Variants in SPTBN1 observed in about 807,000 individuals in gnomAD.
SPTBN1 encodes the protein spectrin beta chain, non-erythrocytic 1.
SPTBN1 carries 32 observed loss-of-function variants against 266.4 expected under a neutral mutation model. The observed-to-expected ratio is 0.12, with a 90% CI of 0.09 to 0.16. The LOEUF (loss-of-function observed/expected upper bound fraction) is 0.16, where lower values mean the gene tolerates loss of function less well. SPTBN1 is among the 10% of genes least tolerant of loss of function. The probability of loss-of-function intolerance (pLI) is 1.00; values close to 1 mark genes in which losing one functional copy is unlikely to be tolerated. For missense variants in SPTBN1, 2,296 were observed against 3,067.1 expected (o/e 0.75, Z 5.94); for synonymous variants, 1,336 against 1,162.2 (o/e 1.15, Z -3.04).
At position 54,592,357 on chromosome 2, in the gene SPTBN1, T is replaced by C. The variant is rs532519910; in HGVS notation, c.149-6735T>C. The stretch of plus-strand genomic sequence containing the variant: ...ATTAAGCAAATGTGTTTCTCAGTTC[T>C]AAATATTTCATACTTTTTTTTTTCT... On this transcript the variant is annotated intron_variant, in intron 2 of 35. Transcript: ENST00000356805. Among the ~76,000 whole-genome samples, 28 of 148,936 alleles carry C rather than the reference T, an allele frequency of 1.9e-4. No homozygotes were observed. In the South Asian group the frequency reaches 4.3e-3, roughly 23 times the overall value.
At chr2:54,660,870 C>T (rs898777825) in intron 32 of SPTBN1, 4 of 985,278 alleles carry the variant, frequency 4.1e-6, no homozygotes, top group East Asian at 2.3e-4. Context: ...AGGTGACAGC[C>T]GTTCTCAGCA....
At chr2:54,660,098 A>G in intron 32 of SPTBN1, 99 bp downstream of exon 32, 7 of 1,611,028 alleles carry the variant, frequency 4.3e-6, no homozygotes, top group Non-Finnish European at 5.9e-6. Flanking sequence ...GTTCACTACC[A>G]TTTGTCAAGA....
At chr2:54,611,465 ACTCT>A (rs200604514) in intron 3 of SPTBN1, among the ~76,000 whole-genome samples, 3,814 of 150,608 alleles carry the variant, frequency 0.025, 161 homozygotes, top group African/African-American at 0.085. Flanking sequence ...TGCATTATCT[ACTCT>A]CTCTCTATAT....
At chr2:54,565,012 C>G (rs1014260163) in intron 2 of SPTBN1, among the ~76,000 whole-genome samples, 2 of 152,146 alleles carry the variant, frequency 1.3e-5, no homozygotes, top group Admixed American at 1.3e-4. Context: ...TTGAGGTTCT[C>G]AAAATGAGGT....
At chr2:54,641,673 C>T (rs1441121425) in intron 18 of SPTBN1, among the ~76,000 whole-genome samples, 1 of 151,744 alleles carries the variant, frequency 6.6e-6, no homozygotes, top group South Asian at 2.1e-4. Context: ...CCCTCCCACC[C>T]CCGCCCCCTG....
intron 1 of SPTBN1, among the ~76,000 whole-genome samples, chr2:54,478,012 C>G (rs1034660133): frequency 6.6e-6 from 1 of 152,098 alleles, no homozygotes; most frequent in Non-Finnish European, 1.5e-5. Flanking sequence ...CAGTCTTATC[C>G]TTTTTGTTGA....
chr2:54,500,476 GT>G (rs1669192899), intron 1 of SPTBN1, among the ~76,000 whole-genome samples: 3 of 152,238 alleles, frequency 2.0e-5, no homozygotes, highest in Admixed American at 6.5e-5. Context: ...GGTTTCTAAA[GT>G]TTTTTGTTTA....
At chr2:54,661,470 T>C (rs1418369609) in intron 32 of SPTBN1, 1 of 985,908 alleles carries the variant, frequency 1.0e-6, no homozygotes, top group Non-Finnish European at 1.2e-6. Context: ...TAACGTCATA[T>C]AGCATCTTGT....
chr2:54,486,225 A>G (rs1452899005), intron 1 of SPTBN1, among the ~76,000 whole-genome samples: 1 of 152,118 alleles, frequency 6.6e-6, no homozygotes, highest in Non-Finnish European at 1.5e-5. Context: ...AGGTGTACCC[A>G]ACAGCTCATT....
intron 3 of SPTBN1, among the ~76,000 whole-genome samples, chr2:54,606,850 C>T (rs150784097): frequency 3.3e-5 from 5 of 152,244 alleles, no homozygotes; most frequent in East Asian, 3.9e-4. Context: ...ACGGGTGTAC[C>T]GTGGAGAGAG....
Position 54,631,397 on chromosome 2 carries a change from A to T in SPTBN1, c.3350A>T (p.Asp1117Val). The change falls in exon 16 of 36, where the codon GAC becomes GTC. Residue 1117 changes from aspartate (D) to valine (V), a missense_variant. Transcript: ENST00000356805. Reference protein sequence around the residue: ...IKNEIDNYEEDYQKMRDMGEM... With the variant: ...IKNEIDNYEEVYQKMRDMGEM... The stretch of plus-strand genomic sequence containing the variant: ...AACGAGATCGACAACTACGAGGAGG[A>T]CTACCAGAAGATGAGGGACATGGGC... 1 of 1,614,256 alleles carries T rather than the reference A, an allele frequency of 6.2e-7. No individual in the cohort carries two copies. Among genetic ancestry groups the T allele is most frequent in the Non-Finnish European group, 8.5e-7 (1 of 1,180,048 alleles).
chr2:54,584,941 G>A (rs1675187542), intron 2 of SPTBN1, among the ~76,000 whole-genome samples: 2 of 152,108 alleles, frequency 1.3e-5, no homozygotes, highest in South Asian at 2.1e-4. Context: ...ACAAGGGAGA[G>A]GTGGGGTGGG....
intron 1 of SPTBN1, among the ~76,000 whole-genome samples, chr2:54,512,996 A>T (rs1351568285): frequency 6.6e-6 from 1 of 152,194 alleles, no homozygotes; most frequent in Non-Finnish European, 1.5e-5. Context: ...CCAGGAGACC[A>T]GCCTAGGCAG....
intron 34 of SPTBN1, 136 bp downstream of exon 34, chr2:54,666,224 A>G (rs1036514554): frequency 2.1e-6 from 2 of 933,588 alleles, no homozygotes; most frequent in Non-Finnish European, 3.0e-6. Flanking sequence ...AAAGTGAAAA[A>G]CCAGTTTGGC....
intron 16 of SPTBN1, among the ~76,000 whole-genome samples, chr2:54,632,109 G>A (rs1490776340): frequency 6.6e-6 from 1 of 150,696 alleles, no homozygotes; most frequent in Non-Finnish European, 1.5e-5. Flanking sequence ...GTACGGTGAG[G>A]ATTTTTTTTT....
At chr2:54,529,554 A>C in intron 2 of SPTBN1, 1 of 715,102 alleles carries the variant, frequency 1.4e-6, no homozygotes, top group South Asian at 1.3e-5. Context: ...AGGAGAAACA[A>C]GCTTGACCAC....
At chr2:54,648,429 G>A (rs955775323) in intron 24 of SPTBN1, among the ~76,000 whole-genome samples, 3 of 152,170 alleles carry the variant, frequency 2.0e-5, no homozygotes, top group African/African-American at 2.4e-5. Flanking sequence ...TGGAGCAGCC[G>A]GTCCAGCCCT....
chr2:54,544,556 TCTGA>T (rs1485144916), intron 2 of SPTBN1, among the ~76,000 whole-genome samples: 1 of 152,168 alleles, frequency 6.6e-6, no homozygotes, highest in Non-Finnish European at 1.5e-5. Flanking sequence ...TCTGTTTGTT[TCTGA>T]CTGTCAAGCA....
At chr2:54,623,163 T>C (rs1678106162) in intron 9 of SPTBN1, among the ~76,000 whole-genome samples, 1 of 152,128 alleles carries the variant, frequency 6.6e-6, no homozygotes, top group Admixed American at 6.5e-5. Context: ...AAATAATCCG[T>C]GTTGAATGCA....
Sources: gnomAD v4.1 joint callset for allele counts (sites outside exome capture counted in the v4.1 genomes callset) on GRCh38, gnomAD v4.1.1 for gene constraint, MANE v1.5 for transcripts, NCBI Gene and HGNC (gene_info 2026-07-23, HGNC 2026-07-21) for gene names.